Variants in SIPA1L2 observed in about 807,000 individuals in gnomAD.
SIPA1L2 encodes the protein signal induced proliferation associated 1 like 2, also known as signal-induced proliferation-associated 1-like protein 2.
In SIPA1L2, 56 loss-of-function variants were observed where a neutral mutation model predicts 163.9. That is an observed-to-expected ratio of 0.34 (90% CI 0.28 to 0.43). SIPA1L2 has a LOEUF of 0.43. Among genes scored for constraint, SIPA1L2 ranks in the 20% least tolerant of loss-of-function variants. SIPA1L2 has a pLI of 1.00. For synonymous variants in SIPA1L2, 877 were observed against 865.7 expected (o/e 1.01, Z -0.23); for missense variants, 1,974 against 2,193.5 (o/e 0.90, Z 2.00).
chr1:232,515,401 C>T lies in SIPA1L2; in HGVS notation c.-62G>A. 1 of 1,467,954 alleles carries T rather than the reference C, an allele frequency of 6.8e-7. No homozygotes were observed. The highest frequency in any genetic ancestry group is 9.1e-7 in the Non-Finnish European group (1 of 1,097,878). The allele number at this position is 1,467,954 out of a possible 1,614,324, so 90.9% of individuals were successfully genotyped here. A position where few individuals can be genotyped will look rare whatever the true frequency, so the allele number is the denominator to read the frequency against. On this transcript the variant is annotated 5_prime_UTR_variant, in exon 3 of 23. Coordinates refer to ENST00000674635, the MANE Select transcript of SIPA1L2 (RefSeq NM_020808.5). The stretch of plus-strand genomic sequence containing the variant: ...GACTGATGTAAATCTAATTACATTG[C>T]TACCGACCACGCCATAATACTTGCA...
Position 232,514,525 on chromosome 1 carries a change from C to G in SIPA1L2, c.815G>C (p.Arg272Thr). ...CCGTTTGAAAGGCTTGTCCCTGTCT[C>G]TCCCCATCAGGAGGGCACTGTCCAC... ...DYVDSALLMG[R>T]DRDKPFKRRL... is the part of the protein sequence containing the mutation. The change falls in exon 3 of 23, where the codon AGA becomes ACA. Residue 272 changes from arginine (R) to threonine (T), a missense_variant. Arg to Thr is a moderately conservative substitution (Grantham distance 71). Around this residue, in one of 3 missense-constraint regions of SIPA1L2, gnomAD observed 607 missense variants for 624.0 expected, o/e 0.97. Transcript: ENST00000674635. The G allele has an allele frequency of 6.2e-7, 1 of 1,614,180 alleles. No individual in the cohort carries two copies. The highest frequency in any genetic ancestry group is 8.5e-7 in the Non-Finnish European group (1 of 1,180,032).
Position 232,591,092 on chromosome 1 carries a change from C to T in SIPA1L2, c.-318-16870G>A, listed in dbSNP as rs575878352. 8.5e-5 allele frequency among the ~76,000 whole-genome samples: 13 copies of T among 152,296 alleles called. No homozygotes were observed. The South Asian group carries it at 1.2e-3, about 15-fold the overall frequency. ...CAGGGGAGCAGTGATGAGTGCTCAC[C>T]GTCTCTCTTGGCCTTACTGACCTCC... On this transcript the variant is annotated intron_variant, in intron 1 of 22. Coordinates refer to ENST00000674635, the MANE Select transcript of SIPA1L2 (RefSeq NM_020808.5).
chr1:232,578,784 C>A (rs1261001274), intron 1 of SIPA1L2, among the ~76,000 whole-genome samples: 2 of 152,180 alleles, frequency 1.3e-5, no homozygotes, highest in Non-Finnish European at 2.9e-5. Context: ...TTTTAACTGA[C>A]GGCTTTTGTT....
chr1:232,478,091 A>C (rs541864322), intron 7 of SIPA1L2, among the ~76,000 whole-genome samples: 1 of 152,346 alleles, frequency 6.6e-6, no homozygotes, highest in African/African-American at 2.4e-5. Flanking sequence ...GCCTCTTAAG[A>C]TCCAGTGAAT....
rs955310095 is a variant in SIPA1L2, at chr1:232,465,794, G to A, written c.2244-378C>T. 2.6e-5 allele frequency among the ~76,000 whole-genome samples: 4 copies of A among 151,708 alleles called. No individual in the cohort carries two copies. The highest frequency in any genetic ancestry group is 2.1e-4 in the South Asian group (1 of 4,806). On this transcript the variant is annotated intron_variant, in intron 8 of 22. Transcript: ENST00000674635. This position sits in a 1 kb window ranked among gnomAD's most constrained non-coding sequence, Gnocchi z 4.1. ...AGGAGGTGGCTAAGTGAAACCATTC[G>A]GGTGGGCCCTAATCCAACTGACTGG...
At chr1:232,477,893 GA>G (rs1280734004) in intron 7 of SIPA1L2, among the ~76,000 whole-genome samples, 2 of 152,168 alleles carry the variant, frequency 1.3e-5, no homozygotes, top group Non-Finnish European at 2.9e-5. Context: ...CAGGGAACTG[GA>G]AAGGCTTTGT....
At chr1:232,440,849 G>A (rs577959170) in intron 14 of SIPA1L2, among the ~76,000 whole-genome samples, 1 of 152,146 alleles carries the variant, frequency 6.6e-6, no homozygotes, top group African/African-American at 2.4e-5. Context: ...CCACGTGGGC[G>A]GTGCTCTACC....
chr1:232,606,203 CAA>C (rs1416473049), intron 1 of SIPA1L2, among the ~76,000 whole-genome samples: 4 of 152,192 alleles, frequency 2.6e-5, no homozygotes, highest in Non-Finnish European at 2.9e-5. Context: ...GACTAATTCA[CAA>C]AGAGACAATT....
intron 1 of SIPA1L2, among the ~76,000 whole-genome samples, chr1:232,621,258 G>A (rs1662793727): frequency 6.6e-6 from 1 of 152,158 alleles, no homozygotes; most frequent in Non-Finnish European, 1.5e-5. Context: ...TTTTAGACCA[G>A]AACAATGAGC....
Position 232,572,734 on chromosome 1 carries a change from CATACATATATATAT to C in SIPA1L2, c.-270+1426_-270+1439del, listed in dbSNP as rs1268647274. Reference sequence around the variant, plus strand: ...ATATATATACACACATATATACATACATACATATATATATATATATATATATATATATATATATA... The same window carrying C: ...ATATATATACACACATATATACATACATATATATATATATATATATATATA... On this transcript the variant is annotated intron_variant, in intron 2 of 22. Coordinates refer to ENST00000674635, the MANE Select transcript of SIPA1L2 (RefSeq NM_020808.5). Among the ~76,000 whole-genome samples, 12 of 67,332 alleles carry C rather than the reference CATACATATATATAT, an allele frequency of 1.8e-4. No individual in the cohort carries two copies. In the East Asian group the frequency reaches 6.3e-3, roughly 35 times the overall value. The allele number at this position is 67,332 out of a possible 152,430, so 44.2% of individuals were successfully genotyped here. A position where few individuals can be genotyped will look rare whatever the true frequency, so the allele number is the denominator to read the frequency against.
chr1:232,584,896 T>A (rs1055947019), intron 1 of SIPA1L2, among the ~76,000 whole-genome samples: 3 of 152,212 alleles, frequency 2.0e-5, no homozygotes, highest in African/African-American at 7.2e-5. Flanking sequence ...AAATCCATCA[T>A]TAGAAGGTTA....
chr1:232,466,383 C>T (rs10495324), intron 8 of SIPA1L2, among the ~76,000 whole-genome samples: 47,885 of 152,042 alleles, frequency 0.31, 8,408 homozygotes, highest in East Asian at 0.72. Context: ...GTGTTAATAA[C>T]GAGCATTGTA....
chr1:232,416,243 A>G (rs950423291), intron 18 of SIPA1L2, among the ~76,000 whole-genome samples: 1 of 152,240 alleles, frequency 6.6e-6, no homozygotes, highest in African/African-American at 2.4e-5. Context: ...AAAGTGGCCA[A>G]GATAATTTTT....
chr1:232,399,816 T>C (rs1660223119), intron 22 of SIPA1L2, among the ~76,000 whole-genome samples: 1 of 152,152 alleles, frequency 6.6e-6, no homozygotes, highest in Non-Finnish European at 1.5e-5. Context: ...TTCCAACATG[T>C]AGCAATAAAA....
intron 2 of SIPA1L2, among the ~76,000 whole-genome samples, chr1:232,568,959 A>C (rs540804874): frequency 1.4e-4 from 22 of 152,260 alleles, no homozygotes; most frequent in African/African-American, 5.1e-4. Flanking sequence ...TTTCCCCTTT[A>C]GATTACAAAC....
intron 1 of SIPA1L2, among the ~76,000 whole-genome samples, chr1:232,619,946 G>A (rs1465867490): frequency 3.3e-5 from 5 of 151,968 alleles, no homozygotes; most frequent in South Asian, 4.1e-4. Flanking sequence ...GTGCAGTGGC[G>A]CGATCTCAGC....
intron 10 of SIPA1L2, among the ~76,000 whole-genome samples, chr1:232,456,712 T>C (rs1243148397): frequency 2.0e-5 from 3 of 152,214 alleles, no homozygotes; most frequent in Non-Finnish European, 4.4e-5. Flanking sequence ...GCCATACCGG[T>C]GGCTGTAAAT....
intron 2 of SIPA1L2, among the ~76,000 whole-genome samples, chr1:232,522,151 G>C (rs1667485805): frequency 6.6e-6 from 1 of 152,128 alleles, no homozygotes; most frequent in Admixed American, 6.5e-5. Flanking sequence ...ACCAGAGTTA[G>C]AACCACTATC....
chr1:232,600,003 C>T (rs1263552264), intron 1 of SIPA1L2, among the ~76,000 whole-genome samples: 1 of 152,206 alleles, frequency 6.6e-6, no homozygotes. Context: ...GCTCTGCTTG[C>T]CCATCTGCAG....
Sources: allele counts gnomAD v4.1 joint callset (sites outside exome capture counted in the v4.1 genomes callset), GRCh38; gene constraint gnomAD v4.1.1; regional missense constraint gnomAD v4.1.1; non-coding constraint Gnocchi (gnomAD v3.1); transcripts MANE v1.5; gene names NCBI Gene and HGNC (gene_info 2026-07-23, HGNC 2026-07-21).